The following DACH2 variants were observed in gnomAD, a reference collection of about 807,000 sequenced individuals.
DACH2 encodes dachshund family transcription factor 2.
In DACH2, 17 loss-of-function variants were observed where a neutral mutation model predicts 35.8. The observed-to-expected ratio is 0.48, with a 90% CI of 0.33 to 0.71. The LOEUF (loss-of-function observed/expected upper bound fraction) is 0.71. DACH2 is among the 30% of genes least tolerant of loss of function. The pLI, the probability that DACH2 is intolerant of heterozygous loss-of-function variation, is 0.02. For synonymous variants in DACH2, 195 were observed against 177.3 expected (o/e 1.10, Z -0.79); for missense variants, 469 against 472.7 (o/e 0.99, Z 0.07).
chrX:86,590,978 C>A (rs1226104702), intron 3 of DACH2, among the ~76,000 whole-genome samples: 1 of 109,740 alleles, frequency 9.1e-6, no homozygotes. Flanking sequence ...CCCTTCCCCG[C>A]ACCCTACAAC....
chrX:86,171,544 C>A (rs2031126315), intron 1 of DACH2, among the ~76,000 whole-genome samples: 1 of 111,707 alleles, frequency 9.0e-6, no homozygotes, highest in Middle Eastern at 4.6e-3. Flanking sequence ...ATTGGGGATT[C>A]CCCTCTTACT....
intron 1 of DACH2, among the ~76,000 whole-genome samples, chrX:86,165,987 T>C (rs889310558): frequency 1.8e-5 from 2 of 112,010 alleles, no homozygotes; most frequent in South Asian, 3.6e-4. Flanking sequence ...AAGTCTTTAA[T>C]CCATTTTGAT....
intron 2 of DACH2, among the ~76,000 whole-genome samples, chrX:86,488,735 G>A (rs1217186018): frequency 9.0e-6 from 1 of 111,213 alleles, no homozygotes; most frequent in African/African-American, 3.3e-5. Flanking sequence ...ATTATTATTT[G>A]TCAATTAAAA....
intron 1 of DACH2, among the ~76,000 whole-genome samples, chrX:86,238,853 A>G (rs1310063815): frequency 9.0e-6 from 1 of 111,662 alleles, no homozygotes; most frequent in Non-Finnish European, 1.9e-5. Flanking sequence ...ATTAAAATTC[A>G]ATAAAATGTT....
chrX:86,180,777 A>C (rs1161501639), intron 1 of DACH2, among the ~76,000 whole-genome samples: 3 of 111,881 alleles, frequency 2.7e-5, no homozygotes, highest in African/African-American at 9.7e-5. Flanking sequence ...AAAAATGCTT[A>C]ATCTATTTAT....
chrX:86,245,988 A>C (rs2033273920), intron 1 of DACH2, among the ~76,000 whole-genome samples: 1 of 111,999 alleles, frequency 8.9e-6, no homozygotes, highest in Non-Finnish European at 1.9e-5. Flanking sequence ...GATCTGATAG[A>C]GCTGAAAAAT....
chrX:86,405,706 G>A (rs1429439591), intron 2 of DACH2, among the ~76,000 whole-genome samples: 1 of 111,319 alleles, frequency 9.0e-6, no homozygotes, highest in Non-Finnish European at 1.9e-5. Context: ...CCACATTTTT[G>A]GGTATCTTTA....
chrX:86,491,553 G>T (rs752909850), intron 2 of DACH2, among the ~76,000 whole-genome samples: 1 of 111,600 alleles, frequency 9.0e-6, no homozygotes, highest in Admixed American at 9.5e-5. Context: ...AGCATTTTCA[G>T]AGTGTTTCCA....
At chrX:86,704,921 C>T (rs1038670219) in intron 5 of DACH2, among the ~76,000 whole-genome samples, 6 of 108,138 alleles carry the variant, frequency 5.5e-5, no homozygotes, top group Non-Finnish European at 1.1e-4. Context: ...GAAAAGAAGT[C>T]ATTATACAAA....
chrX:86,790,182 A>G (rs1316170494), intron 7 of DACH2, among the ~76,000 whole-genome samples: 1 of 111,676 alleles, frequency 9.0e-6, no homozygotes, highest in East Asian at 2.8e-4. Flanking sequence ...AAAGATGTCA[A>G]CTTTGCAAGA....
At chrX:86,718,972 G>A (rs2041368873) in intron 6 of DACH2, among the ~76,000 whole-genome samples, 2 of 111,866 alleles carry the variant, frequency 1.8e-5, no homozygotes, top group African/African-American at 6.5e-5. Flanking sequence ...CTCTTTTTTA[G>A]TTCCATATGA....
At chrX:86,523,750 G>A (rs1001813381) in intron 3 of DACH2, among the ~76,000 whole-genome samples, 30 of 110,057 alleles carry the variant, frequency 2.7e-4, no homozygotes, top group African/African-American at 9.9e-4. Flanking sequence ...TCTGGGTGGG[G>A]TCAGGCTGAA....
At position 86,363,590 on chromosome X, in the gene DACH2, A is replaced by G. The variant is rs376913772; in HGVS notation, c.489-13234A>G. Among the ~76,000 whole-genome samples, 34 of 111,814 alleles carry G rather than the reference A, an allele frequency of 3.0e-4. No homozygotes were observed. The East Asian group carries it at 3.7e-3, about 12-fold the overall frequency. ...GACAGCTTGTTTCTATCTGTACTCA[A>G]TTGTAAATATACATGATTGCTTTCA... On this transcript the variant is annotated intron_variant, in intron 1 of 11. Coordinates refer to ENST00000373125, the MANE Select transcript of DACH2 (RefSeq NM_053281.3).
chrX:86,499,351 A>G (rs1406973084), intron 2 of DACH2, among the ~76,000 whole-genome samples: 1 of 111,566 alleles, frequency 9.0e-6, no homozygotes, highest in Non-Finnish European at 1.9e-5. Context: ...ATTCCAATTG[A>G]TATTCCCTCC....
intron 1 of DACH2, among the ~76,000 whole-genome samples, chrX:86,271,099 T>C (rs2033806834): frequency 9.0e-6 from 1 of 111,392 alleles, no homozygotes; most frequent in African/African-American, 3.3e-5. Context: ...AATGAAGATG[T>C]ACAAAAAATT....
chrX:86,270,233 A>G (rs2147971361), intron 1 of DACH2, among the ~76,000 whole-genome samples: 1 of 109,291 alleles, frequency 9.1e-6, no homozygotes, highest in South Asian at 4.0e-4. Context: ...ATCAGAACCT[A>G]GTTCTTCTGA....
intron 1 of DACH2, among the ~76,000 whole-genome samples, chrX:86,215,087 A>G (rs1361076545): frequency 3.6e-5 from 4 of 110,979 alleles, no homozygotes; most frequent in Non-Finnish European, 7.6e-5. Context: ...CTGTAATCAC[A>G]TTAACTTTTT....
At chrX:86,749,739 T>G (rs1263973649) in intron 7 of DACH2, among the ~76,000 whole-genome samples, 1 of 111,585 alleles carries the variant, frequency 9.0e-6, no homozygotes, top group Non-Finnish European at 1.9e-5. Flanking sequence ...ACTTGCTCAA[T>G]GCAAGGTTGC....
Position 86,308,706 on chromosome X carries a change from C to T in DACH2, c.489-68118C>T, listed in dbSNP as rs773189974. On this transcript the variant is annotated intron_variant, in intron 1 of 11. Coordinates refer to ENST00000373125, the MANE Select transcript of DACH2 (RefSeq NM_053281.3). ...TTCACCCATCTTTCCCCAAGGAGAC[C>T]ACTGGCCTTTTACCAGGGTAACTGT... Among the ~76,000 whole-genome samples, 5 of 111,526 alleles carry T rather than the reference C, an allele frequency of 4.5e-5. No homozygotes were observed. The South Asian group carries it at 1.9e-3, about 42-fold the overall frequency.
Sources: allele counts gnomAD v4.1 joint callset (sites outside exome capture counted in the v4.1 genomes callset), GRCh38; gene constraint gnomAD v4.1.1; transcripts MANE v1.5; gene names NCBI Gene and HGNC (gene_info 2026-07-23, HGNC 2026-07-21).